Variants in DNM1L observed in about 807,000 individuals in gnomAD.
The protein encoded by DNM1L is dynamin 1L.
A neutral mutation model predicts 92.8 loss-of-function variants in DNM1L; 33 were observed. That is an observed-to-expected ratio of 0.36 (90% CI 0.27 to 0.48). DNM1L has a LOEUF of 0.48. Ranked by LOEUF, DNM1L falls within the 20% of genes least tolerant of loss-of-function variation. The probability of loss-of-function intolerance (pLI) is 0.99; values close to 1 mark genes in which losing one functional copy is unlikely to be tolerated. For missense variants in DNM1L, 485 were observed against 888.8 expected, an observed-to-expected ratio of 0.55 and a Z score of 5.78; for synonymous variants, 284 against 305.0, an observed-to-expected ratio of 0.93 and a Z score of 0.72.
At chr12:32,679,782 AC>A in intron 1 of DNM1L, 4 of 1,053,456 alleles carry the variant, frequency 3.8e-6, no homozygotes, top group Non-Finnish European at 3.4e-6. Flanking sequence ...GTCCGCTGGG[AC>A]CGGGCGCGGC....
In DNM1L at chr12:32,743,346, T is replaced by C. The variant is rs775157926; in HGVS notation, c.2155-8T>C. 2 of 1,613,564 alleles carry C rather than the reference T, an allele frequency of 1.2e-6. No individual in the cohort carries two copies. Among genetic ancestry groups the C allele is most frequent in the South Asian group, 2.2e-5 (2 of 91,038 alleles). On this transcript the variant is annotated splice_polypyrimidine_tract_variant and splice_region_variant and intron_variant, in intron 19 of 19. Coordinates refer to ENST00000549701, the MANE Select transcript of DNM1L (RefSeq NM_012062.5). ...TAAGCATTTAAAATTTTTTTTCCTTTAATGCAGGCATTACAAGGAGCCAGT... is the reference window on the plus strand; with the variant it reads ...TAAGCATTTAAAATTTTTTTTCCTTCAATGCAGGCATTACAAGGAGCCAGT...
chr12:32,707,748 GAGTCC>G (rs1291724505), intron 3 of DNM1L, among the ~76,000 whole-genome samples: 1 of 151,978 alleles, frequency 6.6e-6, no homozygotes, highest in Non-Finnish European at 1.5e-5. Flanking sequence ...CCAGGAGTTC[GAGTCC>G]AGCCTAGGCA....
intron 1 of DNM1L, among the ~76,000 whole-genome samples, chr12:32,700,614 G>C (rs1952663671): frequency 6.6e-6 from 1 of 151,838 alleles, no homozygotes; most frequent in South Asian, 2.1e-4. Context: ...GTATAGTAGC[G>C]CGTGCCTGTA....
In DNM1L at chr12:32,738,249, C is replaced by T; in HGVS notation, c.1675-15C>T. ...TTGCTTGTTAAATTGCATGTTTTAA[C>T]ATATCTTTTAACAGTTAATTCAGGA... On this transcript the variant is annotated splice_polypyrimidine_tract_variant and intron_variant, in intron 15 of 19. Coordinates refer to ENST00000549701, the MANE Select transcript of DNM1L (RefSeq NM_012062.5). 6.2e-7 allele frequency: 1 copy of T among 1,613,354 alleles called. No homozygotes were observed. Among genetic ancestry groups the T allele is most frequent in the South Asian group, 1.1e-5 (1 of 91,000 alleles).
chr12:32,679,792 G>A lies in DNM1L; in HGVS notation c.102+327G>A, dbSNP rs897654343. On this transcript the variant is annotated intron_variant, in intron 1 of 19. Transcript: ENST00000549701. ...CTGGAGTCCGCTGGGACCGGGCGCG[G>A]CCTCGTCCGCGTGCCGCTGCCTCCA... 1.3e-5 allele frequency: 13 copies of A among 1,038,354 alleles called. No individual in the cohort carries two copies. The Admixed American group carries it at 7.3e-4, about 58-fold the overall frequency. 64.3% of individuals were successfully genotyped at this position (1,038,354 alleles called of 1,614,324 possible).
intron 4 of DNM1L, among the ~76,000 whole-genome samples, 167 bp downstream of exon 4, chr12:32,708,391 A>C (rs1446184344): frequency 6.6e-6 from 1 of 152,238 alleles, no homozygotes; most frequent in East Asian, 1.9e-4. Context: ...AAACAAATGG[A>C]GTATTTTCAC....
chr12:32,699,190 G>GGA (rs958301175), intron 1 of DNM1L, among the ~76,000 whole-genome samples: 2 of 152,118 alleles, frequency 1.3e-5, no homozygotes, highest in Non-Finnish European at 2.9e-5. Context: ...GTACATGTAA[G>GGA]GAGAGAGAGA....
rs113634833 is a variant in DNM1L, at chr12:32,684,941, A to AT, written c.102+5492dup. 2.1e-3 allele frequency among the ~76,000 whole-genome samples: 283 copies of AT among 137,546 alleles called. 1 individual carries two copies. The highest frequency in any genetic ancestry group is 4.9e-3 in the Admixed American group (67 of 13,704). The allele number at this position is 137,546 out of a possible 152,430, so 90.2% of individuals were successfully genotyped here. On this transcript the variant is annotated intron_variant, in intron 1 of 19. Coordinates refer to ENST00000549701, the MANE Select transcript of DNM1L (RefSeq NM_012062.5). ...TTTACAAGTTTTTGTGTGAATGTGT[A>AT]TTTTTTTTTTTTTTTTGAGATGGAG...
At position 32,742,589 on chromosome 12, in the gene DNM1L, T is replaced by C; in HGVS notation, c.1995T>C (p.Ser665=). 1.2e-6 allele frequency: 2 copies of C among 1,614,124 alleles called. No individual in the cohort carries two copies. Among genetic ancestry groups the C allele is most frequent in the Non-Finnish European group, 1.7e-6 (2 of 1,179,992 alleles). Residue 665 remains serine, a splice_region_variant and synonymous_variant, in exon 19 of 20, where the codon AGT becomes AGC. Coordinates refer to ENST00000549701, the MANE Select transcript of DNM1L (RefSeq NM_012062.5). Reference sequence around the variant, plus strand: ...TCCATAATTTGGTTGTGTTTTGCAGTGTGCCAAAGGCAGTAATGCATTTTT... The same window carrying C: ...TCCATAATTTGGTTGTGTTTTGCAGCGTGCCAAAGGCAGTAATGCATTTTT... ...FLIVRKNIQD[S]VPKAVMHFLV...
At chr12:32,723,288 C>T (rs539774522) in intron 9 of DNM1L, among the ~76,000 whole-genome samples, 4 of 152,286 alleles carry the variant, frequency 2.6e-5, no homozygotes, top group African/African-American at 9.6e-5. Context: ...GAAAATTCTT[C>T]TGCAAACCAC....
At chr12:32,698,040 ATGT>A (rs1051321940) in intron 1 of DNM1L, among the ~76,000 whole-genome samples, 4 of 151,884 alleles carry the variant, frequency 2.6e-5, no homozygotes, top group South Asian at 2.1e-4. Flanking sequence ...AAATGTCTAT[ATGT>A]TGTTAAAATT....
chr12:32,729,207 G>A (rs1954372481), intron 9 of DNM1L, among the ~76,000 whole-genome samples: 1 of 151,934 alleles, frequency 6.6e-6, no homozygotes, highest in African/African-American at 2.4e-5. Flanking sequence ...TCAGCCTCCC[G>A]AGTAGCTGGG....
chr12:32,736,930 T>C (rs930043266), intron 13 of DNM1L, 175 bp from the exon 14 acceptor site: 7 of 651,414 alleles, frequency 1.1e-5, no homozygotes, highest in Non-Finnish European at 1.8e-5. Flanking sequence ...ATTAAGAAGC[T>C]TTGGGTTAAA....
intron 2 of DNM1L, among the ~76,000 whole-genome samples, chr12:32,702,252 AAAG>A (rs1197284617): frequency 1.4e-5 from 2 of 146,836 alleles, no homozygotes; most frequent in African/African-American, 2.5e-5. Context: ...AAAAAAAAAA[AAAG>A]AAGAAAATAG....
At chr12:32,742,115 T>C (rs1249316104) in intron 18 of DNM1L, among the ~76,000 whole-genome samples, 1 of 152,148 alleles carries the variant, frequency 6.6e-6, no homozygotes, top group Non-Finnish European at 1.5e-5. Context: ...GCTTTTGTTT[T>C]TTTTTTTGAG....
In DNM1L at chr12:32,731,982, G is replaced by C. The variant is rs1954584646; in HGVS notation, c.1446+39G>C. ...GCATAGATCATTGTAATTACTATTA[G>C]TAAAAGTTTAAATTTTTGCTTGGCT... On this transcript the variant is annotated intron_variant, in intron 12 of 19. Transcript: ENST00000549701. This position sits in a 1 kb window ranked among gnomAD's most constrained non-coding sequence, Gnocchi z 5.1. 2 of 1,514,142 alleles carry C rather than the reference G, an allele frequency of 1.3e-6. No individual in the cohort carries two copies. Among genetic ancestry groups the C allele is most frequent in the Non-Finnish European group, 1.8e-6 (2 of 1,090,668 alleles). The allele number at this position is 1,514,142 out of a possible 1,614,324, so 93.8% of individuals were successfully genotyped here.
chr12:32,680,874 G>T (rs1951777094), intron 1 of DNM1L, among the ~76,000 whole-genome samples: 1 of 152,126 alleles, frequency 6.6e-6, no homozygotes, highest in Non-Finnish European at 1.5e-5. Context: ...TTAAGTCTTT[G>T]ATAGTAAGTG....
At chr12:32,730,293 G>A (rs1044168548) in intron 9 of DNM1L, among the ~76,000 whole-genome samples, 2 of 152,250 alleles carry the variant, frequency 1.3e-5, no homozygotes, top group Non-Finnish European at 2.9e-5. Flanking sequence ...GAACCCAGGA[G>A]GCGGAGGTTG....
chr12:32,708,350 G>A (rs1953003826), intron 4 of DNM1L, 126 bp downstream of exon 4: 4 of 615,892 alleles, frequency 6.5e-6, no homozygotes, highest in South Asian at 6.0e-5. Flanking sequence ...GCCGAGAAGC[G>A]ATGGACATTG....
Sources: allele counts gnomAD v4.1 joint callset (sites outside exome capture counted in the v4.1 genomes callset), GRCh38; gene constraint gnomAD v4.1.1; non-coding constraint Gnocchi (gnomAD v3.1); transcripts MANE v1.5; gene names NCBI Gene and HGNC (gene_info 2026-07-23, HGNC 2026-07-21).